Variants in NELL1 observed in about 807,000 individuals in gnomAD.
The protein encoded by NELL1 is neural EGFL like 1.
A neutral mutation model predicts 107.4 loss-of-function variants in NELL1; 76 were observed. That is an observed-to-expected ratio of 0.71 (90% CI 0.59 to 0.86). The LOEUF is 0.86. Among genes scored for constraint, NELL1 ranks in the 40% least tolerant of loss-of-function variants. The pLI is 0.00. For missense variants in NELL1, 1,024 were observed against 1,005.5 expected, an observed-to-expected ratio of 1.02 and a Z score of -0.25; for synonymous variants, 353 against 341.2, an observed-to-expected ratio of 1.03 and a Z score of -0.38.
chr11:21,478,030 C>G (rs1854393989), intron 15 of NELL1, among the ~76,000 whole-genome samples: 1 of 151,874 alleles, frequency 6.6e-6, no homozygotes, highest in South Asian at 2.1e-4. Flanking sequence ...AAATGGGTAA[C>G]TTATAAAAGA....
chr11:21,562,944 A>G (rs189354784), intron 17 of NELL1, among the ~76,000 whole-genome samples: 2 of 152,220 alleles, frequency 1.3e-5, no homozygotes, highest in Admixed American at 6.6e-5. Context: ...ACAGATGAAT[A>G]GAGTTCAATG....
chr11:20,979,333 T>A (rs906953258), intron 12 of NELL1, among the ~76,000 whole-genome samples: 2 of 152,158 alleles, frequency 1.3e-5, no homozygotes, highest in Non-Finnish European at 2.9e-5. Flanking sequence ...AACTATAAAT[T>A]AAACTTTTCT....
intron 14 of NELL1, among the ~76,000 whole-genome samples, chr11:21,274,830 A>G (rs1322741424): frequency 6.6e-6 from 1 of 152,224 alleles, no homozygotes; most frequent in Non-Finnish European, 1.5e-5. Context: ...AGGCAGAAAT[A>G]AAGATGTTCT....
At chr11:21,311,094 T>A (rs1217336384) in intron 14 of NELL1, among the ~76,000 whole-genome samples, 1 of 152,056 alleles carries the variant, frequency 6.6e-6, no homozygotes, top group African/African-American at 2.4e-5. Flanking sequence ...GTTTAATGAC[T>A]CTGAAGCAGC....
chr11:20,963,544 A>G (rs1320517322), intron 12 of NELL1, among the ~76,000 whole-genome samples: 3 of 152,100 alleles, frequency 2.0e-5, no homozygotes, highest in Non-Finnish European at 2.9e-5. Flanking sequence ...TTATGATTAC[A>G]TTTAGATGAA....
chr11:21,430,889 G>A (rs943114364), intron 15 of NELL1, among the ~76,000 whole-genome samples: 6 of 152,046 alleles, frequency 3.9e-5, no homozygotes, highest in African/African-American at 1.4e-4. Flanking sequence ...AGCAACTTTA[G>A]TATAGCTCTC....
intron 11 of NELL1, among the ~76,000 whole-genome samples, chr11:20,953,599 T>C (rs1851110643): frequency 6.6e-6 from 1 of 152,172 alleles, no homozygotes; most frequent in African/African-American, 2.4e-5. Context: ...GCAACAGAGC[T>C]CGATACAGGA....
chr11:20,702,025 GT>G (rs1159907862), intron 2 of NELL1, among the ~76,000 whole-genome samples: 1 of 152,026 alleles, frequency 6.6e-6, no homozygotes, highest in Non-Finnish European at 1.5e-5. Context: ...CTTTAAAGTA[GT>G]TTTTTTCCAA....
At chr11:20,681,073 C>G (rs978357496) in intron 2 of NELL1, among the ~76,000 whole-genome samples, 2 of 152,090 alleles carry the variant, frequency 1.3e-5, no homozygotes, top group African/African-American at 4.8e-5. Context: ...TTTGATCCTT[C>G]CAAGGCACTC....
chr11:20,678,934 A>G (rs982396004), intron 2 of NELL1, among the ~76,000 whole-genome samples: 1 of 152,204 alleles, frequency 6.6e-6, no homozygotes, highest in Non-Finnish European at 1.5e-5. Flanking sequence ...AAAAATGGAT[A>G]AAAAGCCTGG....
intron 2 of NELL1, among the ~76,000 whole-genome samples, chr11:20,752,176 T>C (rs1007538093): frequency 3.3e-5 from 5 of 152,244 alleles, no homozygotes; most frequent in African/African-American, 1.2e-4. Flanking sequence ...TCAAGTCTGA[T>C]GTTACCTGTA....
intron 12 of NELL1, among the ~76,000 whole-genome samples, chr11:21,109,821 T>A (rs985860124): frequency 6.6e-6 from 1 of 152,134 alleles, no homozygotes; most frequent in African/African-American, 2.4e-5. Flanking sequence ...TCTAAAGATG[T>A]TAATTCCTTT....
intron 15 of NELL1, among the ~76,000 whole-genome samples, chr11:21,514,506 G>T (rs1281431902): frequency 6.6e-6 from 1 of 152,198 alleles, no homozygotes; most frequent in African/African-American, 2.4e-5. Flanking sequence ...GCCACCTAAA[G>T]GCAGCACCTG....
chr11:20,686,340 T>G (rs1053371256), intron 2 of NELL1, among the ~76,000 whole-genome samples: 13 of 152,156 alleles, frequency 8.5e-5, no homozygotes, highest in African/African-American at 2.7e-4. Flanking sequence ...GCTGTCTTTG[T>G]AGAGCACAAA....
Position 21,573,427 on chromosome 11 carries a change from G to A in NELL1, c.2382+18G>A, listed in dbSNP as rs1192888272. 1.2e-5 allele frequency: 20 copies of A among 1,602,610 alleles called. No homozygotes were observed. The highest frequency in any genetic ancestry group is 6.7e-5 in the East Asian group (3 of 44,628). On this transcript the variant is annotated intron_variant, in intron 19 of 19. Coordinates refer to ENST00000357134, the MANE Select transcript of NELL1 (RefSeq NM_006157.5). The stretch of plus-strand genomic sequence containing the variant: ...AATGCAAGGTAATTGGATGTTCTGC[G>A]GATATTGAAGCCTTGAACAATTGCC...
intron 15 of NELL1, among the ~76,000 whole-genome samples, chr11:21,432,495 C>T (rs1328114564): frequency 6.6e-6 from 1 of 151,936 alleles, no homozygotes; most frequent in South Asian, 2.1e-4. Context: ...GCTAAAGGAC[C>T]CCAGGATACA....
At chr11:21,303,756 C>G (rs1849548064) in intron 14 of NELL1, among the ~76,000 whole-genome samples, 1 of 152,048 alleles carries the variant, frequency 6.6e-6, no homozygotes, top group East Asian at 1.9e-4. Context: ...GTGGAATCAA[C>G]CTAAGCGTCC....
chr11:20,755,084 C>T (rs1034890889), intron 2 of NELL1, among the ~76,000 whole-genome samples: 1 of 152,164 alleles, frequency 6.6e-6, no homozygotes, highest in Admixed American at 6.5e-5. Context: ...CATCATCAGC[C>T]GTTTCTGCTC....
intron 14 of NELL1, among the ~76,000 whole-genome samples, chr11:21,327,588 T>C (rs1188317073): frequency 3.9e-5 from 6 of 152,122 alleles, no homozygotes; most frequent in African/African-American, 1.4e-4. Context: ...ATTTGTACTG[T>C]GTAGTGGGGC....
Sources: allele counts gnomAD v4.1 joint callset (sites outside exome capture counted in the v4.1 genomes callset), GRCh38; gene constraint gnomAD v4.1.1; transcripts MANE v1.5; gene names NCBI Gene and HGNC (gene_info 2026-07-23, HGNC 2026-07-21).